Variants in ABCA8 observed in about 807,000 individuals in gnomAD.
ABCA8 encodes the protein ABC-type organic anion transporter ABCA8.
A neutral mutation model predicts 192.3 loss-of-function variants in ABCA8; 177 were observed. That is an observed-to-expected ratio of 0.92 (90% CI 0.81 to 1.04). The LOEUF is 1.04. ABCA8 is among the 50% of genes least tolerant of loss of function. ABCA8 has a pLI of 0.00. For missense variants in ABCA8, 1,915 were observed against 1,904.8 expected, an observed-to-expected ratio of 1.01 and a Z score of -0.10; for synonymous variants, 642 against 690.2, an observed-to-expected ratio of 0.93 and a Z score of 1.09.
chr17:68,926,045 G>GT (rs57285336), intron 10 of ABCA8, among the ~76,000 whole-genome samples: 4,636 of 152,028 alleles, frequency 0.03, 249 homozygotes, highest in African/African-American at 0.11. Context: ...ATAATGTTAA[G>GT]TAAAAAATAA....
chr17:68,930,149 T>C (rs2067821124), intron 7 of ABCA8, among the ~76,000 whole-genome samples: 1 of 152,190 alleles, frequency 6.6e-6, no homozygotes. Flanking sequence ...AATAAGATGA[T>C]GGCTATGTAG....
chr17:68,900,538 C>CAAAAAAAAAAAAAAAAAAAAAAAAA (rs35696026), intron 21 of ABCA8, among the ~76,000 whole-genome samples: 1 of 108,894 alleles, frequency 9.2e-6, no homozygotes, highest in Non-Finnish European at 1.9e-5. Context: ...CACAAAGTCT[C>CAAAAAAAAAAAAAAAAAAAAAAAAA]AAAAAAAAAA....
In ABCA8 at chr17:68,919,433, G is replaced by A; in HGVS notation, c.1656C>T (p.Asp552=). Residue 552 remains aspartate, a synonymous_variant, in exon 14 of 40, where the codon GAC becomes GAT. Coordinates refer to ENST00000586539, the MANE Select transcript of ABCA8 (RefSeq NM_001288985.2). ...CGGTCAGCTTGCTGAGATTTTCTAGGTCAGCCATTTCTGAAAGCTTATTGT... is the reference window on the plus strand; with the variant it reads ...CGGTCAGCTTGCTGAGATTTTCTAGATCAGCCATTTCTGAAAGCTTATTGT... The part of the protein sequence containing the change: ...IYNNKLSEMA[D]LENLSKLTGV... The A allele has an allele frequency of 1.2e-6, 2 of 1,613,968 alleles. No individual in the cohort carries two copies. Among genetic ancestry groups the A allele is most frequent in the Non-Finnish European group, 1.7e-6 (2 of 1,179,968 alleles).
chr17:68,923,276 T>C (rs944275260), intron 11 of ABCA8, among the ~76,000 whole-genome samples: 1 of 151,940 alleles, frequency 6.6e-6, no homozygotes, highest in Non-Finnish European at 1.5e-5. Flanking sequence ...ATTGGCTCAC[T>C]GCAACCTCTG....
At position 68,941,072 on chromosome 17, in the gene ABCA8, C is replaced by T. The variant is rs113687613; in HGVS notation, c.97-110G>A. 6.6e-4 allele frequency: 516 copies of T among 781,274 alleles called. 2 individuals are homozygous for T. The African/African-American group carries it at 7.8e-3, about 12-fold the overall frequency. The allele number at this position is 781,274 out of a possible 1,614,324, so 48.4% of individuals were successfully genotyped here. ...TTTTACTTTTCTAACTTCAATATAT[C>T]CCATATTATAAACTGTTTAAAGTCT... On this transcript the variant is annotated intron_variant, in intron 3 of 39. Transcript: ENST00000586539.
chr17:68,899,047 C>T (rs4968972), intron 21 of ABCA8, among the ~76,000 whole-genome samples: 63,873 of 151,686 alleles, frequency 0.42, 14,019 homozygotes, highest in East Asian at 0.56. Context: ...ATAAGATGTA[C>T]ATTCTAGGCC....
chr17:68,954,124 G>A (rs1422266010), intron 1 of ABCA8, among the ~76,000 whole-genome samples: 1 of 150,870 alleles, frequency 6.6e-6, no homozygotes, highest in Non-Finnish European at 1.5e-5. Flanking sequence ...CCACGCTGGT[G>A]CGCTGCACCC....
intron 7 of ABCA8, 130 bp from the exon 8 acceptor site, chr17:68,929,832 G>GACAA (rs2067810060): frequency 1.2e-6 from 1 of 868,690 alleles, no homozygotes; most frequent in South Asian, 2.3e-5. Flanking sequence ...TTTATTTATT[G>GACAA]GGTGTTCTAA....
chr17:68,896,318 C>T (rs149675398), intron 21 of ABCA8, among the ~76,000 whole-genome samples: 302 of 152,290 alleles, frequency 2.0e-3, no homozygotes, highest in African/African-American at 6.9e-3. Context: ...AGAGGACACA[C>T]CTCAATAACT....
At chr17:68,936,307 G>T (rs772266299) in intron 5 of ABCA8, among the ~76,000 whole-genome samples, 1 of 151,840 alleles carries the variant, frequency 6.6e-6, no homozygotes, top group Non-Finnish European at 1.5e-5. Flanking sequence ...ATTTTTATAG[G>T]TTCAGGTCCT....
At chr17:68,891,681 G>A (rs950427703) in intron 23 of ABCA8, 85 bp from the exon 24 acceptor site, 2 of 999,590 alleles carry the variant, frequency 2.0e-6, no homozygotes, top group South Asian at 1.5e-5. Context: ...TTTAGACTAA[G>A]TTTACATAAT....
intron 24 of ABCA8, among the ~76,000 whole-genome samples, chr17:68,890,600 C>A (rs973076379): frequency 2.6e-5 from 4 of 152,154 alleles, no homozygotes; most frequent in African/African-American, 7.2e-5. Context: ...CTCACTGCAA[C>A]CTCCGCAGTC....
chr17:68,917,314 T>G (rs1176351882), intron 17 of ABCA8, 47 bp downstream of exon 17: 3 of 1,163,630 alleles, frequency 2.6e-6, no homozygotes, highest in Admixed American at 2.2e-5. Flanking sequence ...GCTTCAAGCA[T>G]CAAGCCTTAC....
chr17:68,918,271 T>A, intron 15 of ABCA8, 86 bp from the exon 16 acceptor site: 1 of 1,553,720 alleles, frequency 6.4e-7, no homozygotes. Flanking sequence ...TTGATTATAT[T>A]TAACAGAGTA....
At position 68,907,942 on chromosome 17, in the gene ABCA8, A is replaced by C. The variant is rs9907353; in HGVS notation, c.2139-63T>G. On this transcript the variant is annotated intron_variant, in intron 17 of 39. Coordinates refer to ENST00000586539, the MANE Select transcript of ABCA8 (RefSeq NM_001288985.2). ...CGACATAGTCTCCAATAGCAAGAAA[A>C]TAATTAACTAGTCTCTATAGGACAA... The C allele has an allele frequency of 5.8e-3, 8,202 of 1,414,222 alleles. 346 individuals carry two copies. The African/African-American group carries it at 0.099, about 17-fold the overall frequency. 87.6% of individuals were successfully genotyped at this position (1,414,222 alleles called of 1,614,324 possible).
chr17:68,870,344 A>G (rs563343982), intron 37 of ABCA8, among the ~76,000 whole-genome samples: 21 of 152,282 alleles, frequency 1.4e-4, no homozygotes, highest in African/African-American at 4.3e-4. Context: ...AACCGGCCCC[A>G]TCTTGGGACA....
rs145105798 is a variant in ABCA8 at position 68,897,456 on chromosome 17, T to C, written c.2765-2443A>G. Reference sequence around the variant, plus strand: ...CAAAATTATGAGACATGCTAAAAAATAAGAAAGTGTCACTCTTATACAGGA... The same window carrying C: ...CAAAATTATGAGACATGCTAAAAAACAAGAAAGTGTCACTCTTATACAGGA... On this transcript the variant is annotated intron_variant, in intron 21 of 39. Transcript: ENST00000586539. Among the ~76,000 whole-genome samples, 173 of 152,126 alleles carry C rather than the reference T, an allele frequency of 1.1e-3. 1 individual carries two copies. The highest frequency in any genetic ancestry group is 4.0e-3 in the African/African-American group (167 of 41,506).
intron 16 of ABCA8, among the ~76,000 whole-genome samples, 179 bp downstream of exon 16, chr17:68,917,868 C>T (rs983658675): frequency 6.6e-6 from 1 of 152,174 alleles, no homozygotes; most frequent in African/African-American, 2.4e-5. Flanking sequence ...CAAAATTCTG[C>T]AAGATACACT....
chr17:68,938,547 C>T (rs865832196), intron 4 of ABCA8, among the ~76,000 whole-genome samples: 2 of 152,076 alleles, frequency 1.3e-5, no homozygotes, highest in South Asian at 2.1e-4. Context: ...ATAGTCAGTA[C>T]CTTCTAAGTC....
Sources: allele counts gnomAD v4.1 joint callset (sites outside exome capture counted in the v4.1 genomes callset), GRCh38; gene constraint gnomAD v4.1.1; transcripts MANE v1.5; gene names NCBI Gene and HGNC (gene_info 2026-07-23, HGNC 2026-07-21).